The following ADAMTSL1 variants were observed in gnomAD, a reference collection of about 807,000 sequenced individuals.
ADAMTSL1 encodes ADAMTS like 1.
In ADAMTSL1, 126 loss-of-function variants were observed where a neutral mutation model predicts 201.8. The observed-to-expected ratio is 0.62, with a 90% CI of 0.54 to 0.72. The LOEUF is 0.72. ADAMTSL1 is among the 30% of genes least tolerant of loss of function. ADAMTSL1 has a pLI of 0.00. For synonymous variants in ADAMTSL1, 1,121 were observed against 903.4 expected, an observed-to-expected ratio of 1.24 and a Z score of -4.32; for missense variants, 2,679 against 2,277.8, an observed-to-expected ratio of 1.18 and a Z score of -3.59.
At chr9:17,959,250 A>G (rs1817626060) in intron 1 of ADAMTSL1, among the ~76,000 whole-genome samples, 3 of 152,080 alleles carry the variant, frequency 2.0e-5, no homozygotes, top group Admixed American at 2.0e-4. Context: ...GATTAATGTC[A>G]TTTGTCATGT....
At chr9:18,472,431 G>C (rs1436400070), upstream of ADAMTSL1, among the ~76,000 whole-genome samples, 2 of 152,178 alleles carry the variant, frequency 1.3e-5, no homozygotes, top group Admixed American at 1.3e-4. Flanking sequence ...TTATGGATTT[G>C]TACTGTCCAT....
intron 15 of ADAMTSL1, among the ~76,000 whole-genome samples, chr9:18,733,397 G>A (rs1818323596): frequency 1.3e-5 from 2 of 152,138 alleles, no homozygotes; most frequent in South Asian, 4.1e-4. Context: ...CATAGGAAAT[G>A]AAGCATGCTA....
At chr9:18,080,433 T>G (rs575962011) in intron 1 of ADAMTSL1, among the ~76,000 whole-genome samples, 1 of 152,184 alleles carries the variant, frequency 6.6e-6, no homozygotes, top group African/African-American at 2.4e-5. Flanking sequence ...GGAGTTGTGA[T>G]TCTATCTCCT....
intron 1 of ADAMTSL1, among the ~76,000 whole-genome samples, chr9:18,115,366 G>C (rs1342896920): frequency 6.6e-6 from 1 of 152,144 alleles, no homozygotes; most frequent in African/African-American, 2.4e-5. Flanking sequence ...CAGGCAGGGG[G>C]ACCTGGCATG....
At chr9:18,440,971 A>G (rs1250080829) in intron 2 of ADAMTSL1, among the ~76,000 whole-genome samples, 1 of 152,196 alleles carries the variant, frequency 6.6e-6, no homozygotes, top group Non-Finnish European at 1.5e-5. Flanking sequence ...AAAATGTTGG[A>G]ATATTATTTA....
intron 7 of ADAMTSL1, among the ~76,000 whole-genome samples, chr9:18,643,929 A>G (rs1436148675): frequency 6.6e-6 from 1 of 151,864 alleles, no homozygotes; most frequent in East Asian, 1.9e-4. Context: ...TGTCATTGGA[A>G]TTTTGATGGA....
At chr9:18,760,572 G>T (rs1820018650) in intron 16 of ADAMTSL1, among the ~76,000 whole-genome samples, 1 of 152,104 alleles carries the variant, frequency 6.6e-6, no homozygotes, top group Non-Finnish European at 1.5e-5. Context: ...GAACTTACTG[G>T]CCTATGCTGC....
chr9:18,042,247 A>AGCTTGATTTAGGGAAAATT (rs1225212885), intron 1 of ADAMTSL1, among the ~76,000 whole-genome samples: 1 of 152,200 alleles, frequency 6.6e-6, no homozygotes, highest in East Asian at 1.9e-4. Flanking sequence ...AAGTTTCCAA[A>AGCTTGATTTAGGGAAAATT]GCTTGATTTA....
chr9:18,245,932 T>C (rs1007853162), intron 2 of ADAMTSL1, among the ~76,000 whole-genome samples: 1 of 152,202 alleles, frequency 6.6e-6, no homozygotes, highest in African/African-American at 2.4e-5. Context: ...GTGGTCTGAA[T>C]TGAAATCTTC....
chr9:18,503,442 C>G (rs931077539), intron 1 of ADAMTSL1, among the ~76,000 whole-genome samples: 1 of 64,866 alleles, frequency 1.5e-5, no homozygotes. Flanking sequence ...TATATATATA[C>G]CACATTTTGT....
intron 16 of ADAMTSL1, among the ~76,000 whole-genome samples, chr9:18,760,933 G>A (rs2133660423): frequency 6.6e-6 from 1 of 152,298 alleles, no homozygotes; most frequent in Non-Finnish European, 1.5e-5. Flanking sequence ...TTCCCTTTTT[G>A]TAAAACTGAT....
rs113915769 is a variant in ADAMTSL1 at position 18,752,870 on chromosome 9, T to C, written c.2007-428T>C. On this transcript the variant is annotated intron_variant, in intron 15 of 28. Transcript: ENST00000380548. ...CTTTGAAGCCAAAGAATTACAAGCA[T>C]AAAATTTTCAGTCTTGCTAAGAATT... 6.1e-3 allele frequency among the ~76,000 whole-genome samples: 926 copies of C among 152,318 alleles called. 6 individuals are homozygous for C. The highest frequency in any genetic ancestry group is 0.019 in the African/African-American group (805 of 41,582).
intron 10 of ADAMTSL1, among the ~76,000 whole-genome samples, 192 bp from the exon 11 acceptor site, chr9:18,680,120 C>T (rs1447943099): frequency 6.6e-6 from 1 of 152,168 alleles, no homozygotes; most frequent in Non-Finnish European, 1.5e-5. Flanking sequence ...GTTTGCAGAG[C>T]CCTTTTGCCA....
rs1247172621 is a variant in ADAMTSL1, at chr9:18,282,969, G to T, written c.207+118988G>T. Among the ~76,000 whole-genome samples the T allele has an allele frequency of 3.3e-5, 5 of 152,182 alleles. No individual in the cohort carries two copies. In the East Asian group the frequency reaches 7.7e-4, roughly 24 times the overall value. ...TCTATACATGTCAGTTAGTTCTGGT[G>T]GTTTATATAGTTTTTAAATCTTCTG... is the stretch of plus-strand genomic sequence containing the variant. On this transcript the variant is annotated intron_variant, in intron 2 of 29. Coordinates refer to the ADAMTSL1 transcript ENST00000680146.
At chr9:18,153,454 AC>A (rs1234660364) in intron 1 of ADAMTSL1, among the ~76,000 whole-genome samples, 1 of 152,014 alleles carries the variant, frequency 6.6e-6, no homozygotes, top group Non-Finnish European at 1.5e-5. Context: ...TATTTATAGA[AC>A]TCAATTCTGT....
chr9:18,594,208 G>A (rs1160935818), intron 4 of ADAMTSL1, among the ~76,000 whole-genome samples: 7 of 151,700 alleles, frequency 4.6e-5, no homozygotes, highest in African/African-American at 1.7e-4. Flanking sequence ...TGGCCTGTAG[G>A]GTTTCTAAGA....
At chr9:18,090,099 A>C (rs150652847) in intron 1 of ADAMTSL1, among the ~76,000 whole-genome samples, 1 of 152,220 alleles carries the variant, frequency 6.6e-6, no homozygotes, top group South Asian at 2.1e-4. Context: ...GTCTATTATG[A>C]AAAAGAAAAA....
intron 2 of ADAMTSL1, among the ~76,000 whole-genome samples, chr9:18,381,870 G>C (rs554608836): frequency 2.6e-5 from 4 of 152,122 alleles, no homozygotes; most frequent in African/African-American, 9.6e-5. Context: ...GACAGCCAAG[G>C]GATGAAAGAA....
At chr9:18,085,773 A>G (rs1279085573) in intron 1 of ADAMTSL1, among the ~76,000 whole-genome samples, 1 of 150,968 alleles carries the variant, frequency 6.6e-6, no homozygotes, top group Non-Finnish European at 1.5e-5. Context: ...GTGTGTGTAT[A>G]TATATATACA....
Sources: gnomAD v4.1 joint callset for allele counts (sites outside exome capture counted in the v4.1 genomes callset) on GRCh38, gnomAD v4.1.1 for gene constraint, MANE v1.5 for transcripts, NCBI Gene and HGNC (gene_info 2026-07-23, HGNC 2026-07-21) for gene names.